Variants in ENOSF1 observed in about 807,000 individuals in gnomAD.
ENOSF1 encodes enolase superfamily member 1.
ENOSF1 carries 73 observed loss-of-function variants against 68.2 expected under a neutral mutation model. The observed-to-expected ratio is 1.07, with a 90% confidence interval of 0.89 to 1.30. The LOEUF is 1.30. ENOSF1 is among the 50% of genes most tolerant of loss of function. The pLI is 0.00. For synonymous variants in ENOSF1, 223 were observed against 210.4 expected, an observed-to-expected ratio of 1.06 and a Z score of -0.52; for missense variants, 589 against 554.5, an observed-to-expected ratio of 1.06 and a Z score of -0.62.
downstream of ENOSF1, among the ~76,000 whole-genome samples, chr18:670,056 T>A (rs1350130252): frequency 1.3e-5 from 2 of 150,416 alleles, no homozygotes; most frequent in Non-Finnish European, 3.0e-5. Context: ...TTTTTTTTTT[T>A]TTTTTGAGAC....
chr18:702,505 G>T (rs896371508), intron 2 of ENOSF1, among the ~76,000 whole-genome samples: 1 of 151,992 alleles, frequency 6.6e-6, no homozygotes, highest in African/African-American at 2.4e-5. Context: ...AACCTTGGAG[G>T]TGGAGGCTGC....
In ENOSF1 at chr18:691,190, GCTTCCAAA is replaced by G. The variant is rs1213839005; in HGVS notation, c.496+6_496+13del. 6.2e-7 allele frequency: 1 copy of G among 1,613,912 alleles called. No individual in the cohort carries two copies. Among genetic ancestry groups the G allele is most frequent in the South Asian group, 1.1e-5 (1 of 91,080 alleles). On this transcript the variant is annotated splice_donor_region_variant and intron_variant, in intron 6 of 15. Coordinates refer to ENST00000647584, the MANE Select transcript of ENOSF1 (RefSeq NM_017512.7). The stretch of plus-strand genomic sequence containing the variant: ...GTGTGCACGTCGTGTATCCCAGAAA[GCTTCCAAA>G]CTCACCTAGGGCATCCTCCTCAGTC...
intron 5 of ENOSF1, chr18:693,080 G>A: frequency 3.1e-6 from 4 of 1,288,072 alleles, no homozygotes; most frequent in Non-Finnish European, 4.0e-6. Context: ...GGTGAGCAGT[G>A]AAACCCGGAC....
At chr18:678,759 G>A (rs763515795) in intron 11 of ENOSF1, 22 bp from the exon 12 acceptor site, 4 of 1,613,734 alleles carry the variant, frequency 2.5e-6, no homozygotes, top group Admixed American at 1.7e-5. Flanking sequence ...AAGGCAGCCT[G>A]GTGTTATTTT....
chr18:684,420 C>G (rs750500595), intron 10 of ENOSF1, among the ~76,000 whole-genome samples: 1 of 151,882 alleles, frequency 6.6e-6, no homozygotes, highest in African/African-American at 2.4e-5. Flanking sequence ...CCCAGCTACT[C>G]AGGGGGTTGA....
chr18:674,705 A>C (rs774017659), intron 15 of ENOSF1, among the ~76,000 whole-genome samples: 2 of 152,184 alleles, frequency 1.3e-5, no homozygotes, highest in Non-Finnish European at 2.9e-5. Flanking sequence ...TTTTTTGTAG[A>C]GACAGGGTTT....
chr18:712,250 C>T, intron 1 of ENOSF1: 1 of 1,519,464 alleles, frequency 6.6e-7, no homozygotes, highest in East Asian at 2.5e-5. Flanking sequence ...CTCCCCCAGG[C>T]GCGCCTCCCA....
chr18:690,327 G>A (rs953791617), intron 8 of ENOSF1, among the ~76,000 whole-genome samples: 3 of 150,792 alleles, frequency 2.0e-5, no homozygotes, highest in African/African-American at 7.5e-5. Context: ...AACCTGTGGG[G>A]TCTGAGGCTA....
At chr18:688,834 G>A (rs2076876057) in intron 8 of ENOSF1, among the ~76,000 whole-genome samples, 1 of 152,068 alleles carries the variant, frequency 6.6e-6, no homozygotes, top group South Asian at 2.1e-4. Flanking sequence ...TTTTTTTAAT[G>A]GTCACAACCT....
At chr18:677,190 C>G (rs1180088730) in intron 14 of ENOSF1, among the ~76,000 whole-genome samples, 155 bp downstream of exon 14, 3 of 152,196 alleles carry the variant, frequency 2.0e-5, no homozygotes, top group Admixed American at 2.0e-4. Flanking sequence ...ATTGGTGGGT[C>G]TCTGTGAAAG....
intron 3 of ENOSF1, among the ~76,000 whole-genome samples, chr18:696,589 G>C (rs1326076799): frequency 5.3e-5 from 8 of 152,040 alleles, no homozygotes; most frequent in African/African-American, 1.9e-4. Context: ...TTATCCTCTA[G>C]AGCACTTTCC....
At chr18:664,142 C>T in the ENOSF1 span, among the ~76,000 whole-genome samples, 1 of 151,670 alleles carries the variant, frequency 6.6e-6, no homozygotes, top group Non-Finnish European at 1.5e-5. Context: ...ATTCTTCCTA[C>T]CCATGAGCAT....
chr18:681,110 C>A (rs1241881236), intron 11 of ENOSF1, among the ~76,000 whole-genome samples: 1 of 152,196 alleles, frequency 6.6e-6, no homozygotes, highest in Non-Finnish European at 1.5e-5. Context: ...GATCCACCCA[C>A]CTCGGCCTCC....
chr18:702,055 G>A (rs2078411450), intron 2 of ENOSF1, among the ~76,000 whole-genome samples: 1 of 151,942 alleles, frequency 6.6e-6, no homozygotes, highest in Non-Finnish European at 1.5e-5. Flanking sequence ...CTTGAGCTCA[G>A]GAGTTCAAGA....
At chr18:677,693 G>A (rs1435512795) in intron 13 of ENOSF1, 50 bp downstream of exon 13, 10 of 1,583,616 alleles carry the variant, frequency 6.3e-6, no homozygotes, top group Non-Finnish European at 8.6e-6. Context: ...GGAGGTGTCT[G>A]ATTAGTGGGG....
At chr18:705,818 G>A (rs1279726836) in intron 2 of ENOSF1, among the ~76,000 whole-genome samples, 1 of 152,026 alleles carries the variant, frequency 6.6e-6, no homozygotes, top group African/African-American at 2.4e-5. Context: ...AGACCAGCCT[G>A]GTCAACATGG....
intron 10 of ENOSF1, 88 bp downstream of exon 10, chr18:685,833 A>T: frequency 9.0e-7 from 1 of 1,107,720 alleles, no homozygotes; most frequent in Non-Finnish European, 1.4e-6. Flanking sequence ...TAACTTTTTA[A>T]ATTCCCAATG....
intron 2 of ENOSF1, among the ~76,000 whole-genome samples, chr18:703,539 C>A (rs1046407550): frequency 6.6e-6 from 1 of 152,190 alleles, no homozygotes; most frequent in Admixed American, 6.5e-5. Flanking sequence ...GCTCACAGCT[C>A]TGTCTTAGTA....
chr18:675,000 C>G (rs9948583), intron 15 of ENOSF1, among the ~76,000 whole-genome samples: 1 of 152,004 alleles, frequency 6.6e-6, no homozygotes, highest in African/African-American at 2.4e-5. Flanking sequence ...TGGCCCCAGC[C>G]ACACAATTGT....
Sources: allele counts gnomAD v4.1 joint callset (sites outside exome capture counted in the v4.1 genomes callset), GRCh38; gene constraint gnomAD v4.1.1; transcripts MANE v1.5; gene names NCBI Gene and HGNC (gene_info 2026-07-23, HGNC 2026-07-21).